TMEM132C: variants seen among roughly 807,000 people sequenced by gnomAD.
TMEM132C encodes protein phosphatase 1, regulatory subunit 152.
TMEM132C carries 29 observed loss-of-function variants against 61.4 expected under a neutral mutation model. The observed-to-expected ratio is 0.47, with a 90% CI of 0.35 to 0.64. The LOEUF is 0.64. Ranked by LOEUF, TMEM132C falls within the 30% of genes least tolerant of loss-of-function variation. The probability of loss-of-function intolerance (pLI) is 0.00; values close to 1 mark genes in which losing one functional copy is unlikely to be tolerated. For synonymous variants in TMEM132C, 656 were observed against 633.1 expected (o/e 1.04, Z -0.54); for missense variants, 1,408 against 1,476.9 (o/e 0.95, Z 0.76).
chr12:128,310,215 C>T (rs187866143), intron 1 of TMEM132C, among the ~76,000 whole-genome samples: 30 of 152,314 alleles, frequency 2.0e-4, no homozygotes, highest in African/African-American at 5.8e-4. Context: ...ATGATAAACA[C>T]AATGATTATT....
chr12:128,312,511 G>T (rs1872006429), intron 1 of TMEM132C, among the ~76,000 whole-genome samples: 1 of 152,166 alleles, frequency 6.6e-6, no homozygotes, highest in African/African-American at 2.4e-5. Context: ...TCACCATATT[G>T]CCCAGGCTGA....
At chr12:128,528,118 G>A (rs901533989) in intron 2 of TMEM132C, among the ~76,000 whole-genome samples, 4 of 152,172 alleles carry the variant, frequency 2.6e-5, no homozygotes, top group African/African-American at 7.2e-5. Context: ...ATAGCAGAGC[G>A]CTGACTTCAG....
chr12:128,297,306 C>T (rs1360905884), intron 1 of TMEM132C, among the ~76,000 whole-genome samples: 1 of 152,170 alleles, frequency 6.6e-6, no homozygotes, highest in Non-Finnish European at 1.5e-5. Context: ...GTGATGGCCT[C>T]CTGCCGATAG....
At chr12:128,599,101 C>T (rs1055882587) in intron 3 of TMEM132C, among the ~76,000 whole-genome samples, 8 of 152,126 alleles carry the variant, frequency 5.3e-5, no homozygotes, top group East Asian at 1.9e-4. Flanking sequence ...CAGTGGCTCC[C>T]GTTCCTCTGC....
chr12:128,475,499 T>C (rs986251059), intron 2 of TMEM132C, among the ~76,000 whole-genome samples: 1 of 152,044 alleles, frequency 6.6e-6, no homozygotes, highest in Non-Finnish European at 1.5e-5. Context: ...TTGCACAAAT[T>C]TGTGAATATA....
Position 128,345,964 on chromosome 12 carries a change from G to A in TMEM132C, c.86-68768G>A, listed in dbSNP as rs149389587. Among the ~76,000 whole-genome samples the A allele has an allele frequency of 1.4e-4, 22 of 152,226 alleles. No homozygotes were observed. In the East Asian group the frequency reaches 4.1e-3, roughly 28 times the overall value. ...TCTTTATCATGGAATCTTTGCCCATGCCTGTGTTCTGAATGGTATTGCCTA... is the reference window on the plus strand; with the variant it reads ...TCTTTATCATGGAATCTTTGCCCATACCTGTGTTCTGAATGGTATTGCCTA... On this transcript the variant is annotated intron_variant, in intron 1 of 8. Transcript: ENST00000435159.
At position 128,386,081 on chromosome 12, in the gene TMEM132C, G is replaced by A. The variant is rs12317511; in HGVS notation, c.86-28651G>A. 3.6e-3 allele frequency among the ~76,000 whole-genome samples: 542 copies of A among 152,228 alleles called. 4 individuals carry two copies. Among genetic ancestry groups the A allele is most frequent in the Middle Eastern group, 0.014 (4 of 294 alleles). On this transcript the variant is annotated intron_variant, in intron 1 of 8. Transcript: ENST00000435159. ...CCTCACACTTAGACCTAGAAGACAC[G>A]CATAATGAGGCTGTGTGTTATTCGG... is the stretch of plus-strand genomic sequence containing the variant.
intron 1 of TMEM132C, among the ~76,000 whole-genome samples, chr12:128,279,642 C>T (rs1335868998): frequency 2.0e-5 from 3 of 152,230 alleles, no homozygotes; most frequent in Non-Finnish European, 1.5e-5. Flanking sequence ...TTGCACATGC[C>T]TACTGTGGGG....
Position 128,453,820 on chromosome 12 carries a change from T to A in TMEM132C, c.974+38200T>A, listed in dbSNP as rs548098220. Among the ~76,000 whole-genome samples the A allele has an allele frequency of 8.5e-5, 13 of 152,162 alleles. No individual in the cohort carries two copies. In the South Asian group the frequency reaches 2.7e-3, roughly 32 times the overall value. On this transcript the variant is annotated intron_variant, in intron 2 of 8. Transcript: ENST00000435159. ...TAAGAAGAAGGAAGGGGAGAAAAAT[T>A]GGCTCTTTGGCCATCTATAGAAAGC...
At chr12:128,306,414 G>A (rs1206285403) in intron 1 of TMEM132C, among the ~76,000 whole-genome samples, 1 of 151,968 alleles carries the variant, frequency 6.6e-6, no homozygotes, top group East Asian at 1.9e-4. Flanking sequence ...GTGTTAGCCA[G>A]GATGGTCTCG....
In TMEM132C at chr12:128,278,676, A is replaced by G. The variant is rs750162725; in HGVS notation, c.85+11189A>G. 2.0e-5 allele frequency among the ~76,000 whole-genome samples: 3 copies of G among 151,814 alleles called. No individual in the cohort carries two copies. Among genetic ancestry groups the G allele is most frequent in the Non-Finnish European group, 4.4e-5 (3 of 67,994 alleles). On this transcript the variant is annotated intron_variant, in intron 1 of 8. Coordinates refer to ENST00000435159, the MANE Select transcript of TMEM132C (RefSeq NM_001136103.3). This position sits in a 1 kb window ranked among gnomAD's most constrained non-coding sequence, Gnocchi z 4.2. ...AACCCCGGTGGTCAGGGTGTCCATG[A>G]TGACTAAGTTTTTGTCTTAACTTGT...
intron 4 of TMEM132C, among the ~76,000 whole-genome samples, chr12:128,617,391 T>A (rs569401738): frequency 2.6e-4 from 40 of 152,256 alleles, no homozygotes; most frequent in Middle Eastern, 3.4e-3. Context: ...AGCAAATCCT[T>A]TGGGACAGAG....
intron 2 of TMEM132C, among the ~76,000 whole-genome samples, chr12:128,488,548 C>T (rs1871583213): frequency 6.6e-6 from 1 of 151,926 alleles, no homozygotes; most frequent in South Asian, 2.1e-4. Context: ...GTAATCCCAG[C>T]TACTGGGGAG....
intron 4 of TMEM132C, among the ~76,000 whole-genome samples, chr12:128,668,436 G>T (rs1187541584): frequency 1.3e-5 from 2 of 152,090 alleles, no homozygotes; most frequent in Non-Finnish European, 2.9e-5. Context: ...AAGTAAAAAA[G>T]AAAAAGAAAG....
At position 128,297,755 on chromosome 12, in the gene TMEM132C, G is replaced by A. The variant is rs73432718; in HGVS notation, c.85+30268G>A. The stretch of plus-strand genomic sequence containing the variant: ...CCTTCTGACACCCACATGATTTTAA[G>A]CAAAAACTCTATAATTTTTCAAAAA... On this transcript the variant is annotated intron_variant, in intron 1 of 8. Coordinates refer to ENST00000435159, the MANE Select transcript of TMEM132C (RefSeq NM_001136103.3). Among the ~76,000 whole-genome samples, 430 of 151,964 alleles carry A rather than the reference G, an allele frequency of 2.8e-3. 2 individuals are homozygous for A. The highest frequency in any genetic ancestry group is 9.8e-3 in the African/African-American group (405 of 41,470).
chr12:128,396,584 A>AATT (rs1874966918), intron 1 of TMEM132C, among the ~76,000 whole-genome samples: 2 of 152,314 alleles, frequency 1.3e-5, no homozygotes, highest in African/African-American at 2.4e-5. Flanking sequence ...TAATAATAAT[A>AATT]ATAATAGGTA....
At chr12:128,382,190 C>G (rs370539677) in intron 1 of TMEM132C, among the ~76,000 whole-genome samples, 4 of 152,102 alleles carry the variant, frequency 2.6e-5, no homozygotes, top group African/African-American at 9.7e-5. Context: ...CACGAGCTCC[C>G]GGACCCTTCA....
intron 4 of TMEM132C, among the ~76,000 whole-genome samples, chr12:128,650,996 T>C (rs1593134601): frequency 6.6e-6 from 1 of 152,218 alleles, no homozygotes; most frequent in East Asian, 1.9e-4. Flanking sequence ...GCAGCATGGG[T>C]ATAAATCTCC....
intron 5 of TMEM132C, among the ~76,000 whole-genome samples, chr12:128,670,510 G>C (rs986111379): frequency 1.3e-5 from 2 of 152,026 alleles, no homozygotes. Flanking sequence ...CCACATGTAC[G>C]TGAGATCGTG....
Sources: gnomAD v4.1 joint callset for allele counts (sites outside exome capture counted in the v4.1 genomes callset) on GRCh38, gnomAD v4.1.1 for gene constraint, Gnocchi (gnomAD v3.1) non-coding constraint, MANE v1.5 for transcripts, NCBI Gene and HGNC (gene_info 2026-07-23, HGNC 2026-07-21) for gene names.